Variants in PIK3CB observed in about 807,000 individuals in gnomAD.
PIK3CB encodes the protein phosphatidylinositol-4,5-bisphosphate 3-kinase catalytic subunit beta.
PIK3CB carries 39 observed loss-of-function variants against 136.8 expected under a neutral mutation model. That is an observed-to-expected ratio of 0.29 (90% CI 0.22 to 0.37). The LOEUF (loss-of-function observed/expected upper bound fraction) is 0.37, where lower values mean the gene tolerates loss of function less well. Ranked by LOEUF, PIK3CB falls within the 10% of genes least tolerant of loss-of-function variation. The pLI, the probability that PIK3CB is intolerant of heterozygous loss-of-function variation, is 1.00. For missense variants in PIK3CB, 868 were observed against 1,275.4 expected (o/e 0.68, Z 4.87); for synonymous variants, 428 against 436.6 (o/e 0.98, Z 0.25).
intron 1 of PIK3CB, among the ~76,000 whole-genome samples, chr3:138,817,655 T>C (rs951718699): frequency 6.6e-6 from 1 of 152,164 alleles, no homozygotes; most frequent in African/African-American, 2.4e-5. Flanking sequence ...ATGTAGATGC[T>C]AGTAGGCTGA....
chr3:138,662,089 C>CA (rs1559796519), intron 21 of PIK3CB, among the ~76,000 whole-genome samples: 1 of 136,744 alleles, frequency 7.3e-6, no homozygotes. Context: ...TTCATCCCAA[C>CA]TTTTTTTTTT....
chr3:138,798,810 C>T (rs977209416), intron 1 of PIK3CB, among the ~76,000 whole-genome samples: 43 of 152,016 alleles, frequency 2.8e-4, no homozygotes, highest in Non-Finnish European at 7.4e-5. Flanking sequence ...GTCATCAACC[C>T]AAGATCTCTA....
At chr3:138,661,677 T>C (rs903696669) in intron 21 of PIK3CB, among the ~76,000 whole-genome samples, 2 of 152,226 alleles carry the variant, frequency 1.3e-5, no homozygotes, top group Non-Finnish European at 2.9e-5. Context: ...TCATGTATTA[T>C]AGTGCATTAC....
At chr3:138,751,023 C>T (rs1226939969) in intron 4 of PIK3CB, among the ~76,000 whole-genome samples, 3 of 152,136 alleles carry the variant, frequency 2.0e-5, no homozygotes, top group Non-Finnish European at 4.4e-5. Flanking sequence ...ATAAGGGACC[C>T]TGTTCATGTA....
intron 14 of PIK3CB, among the ~76,000 whole-genome samples, chr3:138,692,145 T>C (rs1283250823): frequency 6.6e-6 from 1 of 152,184 alleles, no homozygotes; most frequent in Non-Finnish European, 1.5e-5. Context: ...AACACACTCC[T>C]ATCAGAGGCA....
intron 21 of PIK3CB, among the ~76,000 whole-genome samples, chr3:138,661,513 C>T (rs1273107440): frequency 6.6e-6 from 1 of 152,126 alleles, no homozygotes; most frequent in Non-Finnish European, 1.5e-5. Context: ...TCTTTGACTT[C>T]TTGAGTTTAT....
At chr3:138,749,862 T>C (rs1415924991) in intron 4 of PIK3CB, among the ~76,000 whole-genome samples, 1 of 152,192 alleles carries the variant, frequency 6.6e-6, no homozygotes, top group African/African-American at 2.4e-5. Flanking sequence ...ATTTTTGAGG[T>C]ACAATGTGAT....
intron 19 of PIK3CB, among the ~76,000 whole-genome samples, chr3:138,666,934 G>C (rs1392951107): frequency 6.6e-6 from 1 of 152,144 alleles, no homozygotes; most frequent in Non-Finnish European, 1.5e-5. Flanking sequence ...GGGTGCGGTG[G>C]CTCACACCTG....
chr3:138,740,320 T>C lies in PIK3CB; in HGVS notation c.621+2238A>G, dbSNP rs558117071. On this transcript the variant is annotated intron_variant, in intron 5 of 23. Transcript: ENST00000674063. ...TTGCAGTGAGCCTAGCTCATGCTAC[T>C]GCACTGCAGCCTGGACGACAAAGTG... Among the ~76,000 whole-genome samples the C allele has an allele frequency of 2.0e-5, 3 of 152,374 alleles. No individual in the cohort carries two copies. In the South Asian group the frequency reaches 6.2e-4, roughly 32 times the overall value.
At chr3:138,732,974 A>G (rs1386080121) in intron 8 of PIK3CB, among the ~76,000 whole-genome samples, 1 of 151,598 alleles carries the variant, frequency 6.6e-6, no homozygotes, top group East Asian at 1.9e-4. Flanking sequence ...TTCGGGTTGT[A>G]CATTAGCTCT....
rs1050051329 is a variant in PIK3CB, at chr3:138,756,038, T to C, written c.172-59A>G. The C allele has an allele frequency of 3.9e-5, 35 of 894,140 alleles. No homozygotes were observed. The South Asian group carries it at 4.8e-4, about 12-fold the overall frequency. The allele number at this position is 894,140 out of a possible 1,614,324, so 55.4% of individuals were successfully genotyped here. ...AAACACTTGCTCAAGTGTACAAAGA[T>C]ATAAGGATGCTCACTGCAGCACTGT... On this transcript the variant is annotated intron_variant, in intron 3 of 23. Coordinates refer to ENST00000674063, the MANE Select transcript of PIK3CB (RefSeq NM_006219.3).
rs2108385673 is a variant in PIK3CB, at chr3:138,656,166, T to C, written c.3051A>G (p.Ser1017=). The C allele has an allele frequency of 1.2e-6, 2 of 1,614,162 alleles. No homozygotes were observed. Among genetic ancestry groups the C allele is most frequent in the Non-Finnish European group, 8.5e-7 (1 of 1,180,012 alleles). Residue 1017 remains serine, a synonymous_variant, in exon 23 of 24, where the codon TCA becomes TCG. Coordinates refer to ENST00000674063, the MANE Select transcript of PIK3CB (RefSeq NM_006219.3). The part of the protein sequence containing the change: ...MLTAGLPELT[S]VKDIQYLKDS... ...CCTTAAGATACTGTATATCTTTGAC[T>C]GATGTGAGTTCAGGAAGCCCTGCAG... is the stretch of plus-strand genomic sequence containing the variant.
chr3:138,809,478 C>T (rs1444789896), intron 1 of PIK3CB, among the ~76,000 whole-genome samples: 3 of 151,490 alleles, frequency 2.0e-5, no homozygotes, highest in South Asian at 2.1e-4. Context: ...TGGTGGCAGG[C>T]GCCTGAAATC....
chr3:138,807,347 T>A (rs2046245487), intron 1 of PIK3CB, among the ~76,000 whole-genome samples: 1 of 151,960 alleles, frequency 6.6e-6, no homozygotes, highest in Non-Finnish European at 1.5e-5. Flanking sequence ...GGCAGAAGAA[T>A]CACTTGAACA....
intron 2 of PIK3CB, among the ~76,000 whole-genome samples, chr3:138,761,674 G>A (rs147047652): frequency 6.6e-6 from 1 of 152,304 alleles, no homozygotes; most frequent in Non-Finnish European, 1.5e-5. Context: ...GAAGGCTGAG[G>A]CACGAGAATT....
chr3:138,799,302 C>G (rs1391508823), intron 1 of PIK3CB, among the ~76,000 whole-genome samples: 2 of 151,712 alleles, frequency 1.3e-5, no homozygotes, highest in East Asian at 1.9e-4. Flanking sequence ...CTCAGCCTCC[C>G]AAGAGGCTGG....
At chr3:138,737,947 C>T in intron 5 of PIK3CB, 61 bp from the exon 6 acceptor site, 1 of 956,298 alleles carries the variant, frequency 1.0e-6, no homozygotes, top group Non-Finnish European at 1.5e-6. Flanking sequence ...TGAAAAATCA[C>T]ATTACAATCA....
chr3:138,673,837 AC>A (rs1371245025), intron 19 of PIK3CB, among the ~76,000 whole-genome samples: 1 of 152,184 alleles, frequency 6.6e-6, no homozygotes, highest in Non-Finnish European at 1.5e-5. Flanking sequence ...TCTGACAGCC[AC>A]TAGAGGAAAG....
In PIK3CB at chr3:138,665,211, G is replaced by GA. The variant is rs781101248; in HGVS notation, c.2505-9dup. The GA allele has an allele frequency of 5.8e-6, 9 of 1,551,950 alleles. No individual in the cohort carries two copies. The highest frequency in any genetic ancestry group is 1.9e-5 in the Admixed American group (1 of 53,578). The stretch of plus-strand genomic sequence containing the variant: ...CAGCCATAAGGCAACATCCTGGAAG[G>GA]AAAAAAATGGGCATAGAGTCATATT... On this transcript the variant is annotated splice_polypyrimidine_tract_variant and intron_variant, in intron 19 of 23. Transcript: ENST00000674063.
Sources: allele counts gnomAD v4.1 joint callset (sites outside exome capture counted in the v4.1 genomes callset), GRCh38; gene constraint gnomAD v4.1.1; transcripts MANE v1.5; gene names NCBI Gene and HGNC (gene_info 2026-07-23, HGNC 2026-07-21).